DDX60L: variants seen among roughly 807,000 people sequenced by gnomAD.
DDX60L encodes DExD/H-box 60 like.
Under a neutral mutation model 211.6 loss-of-function variants are expected in DDX60L, and 191 were observed. The observed-to-expected ratio is 0.90, with a 90% CI of 0.80 to 1.02. The LOEUF (loss-of-function observed/expected upper bound fraction) is 1.02, where lower values mean the gene tolerates loss of function less well. Ranked by LOEUF, DDX60L falls within the 50% of genes least tolerant of loss-of-function variation. DDX60L has a pLI of 0.00. For synonymous variants in DDX60L, 706 were observed against 694.1 expected, an observed-to-expected ratio of 1.02 and a Z score of -0.27; for missense variants, 2,007 against 1,984.1, an observed-to-expected ratio of 1.01 and a Z score of -0.22.
chr4:168,432,226 AAT>A (rs141551810), intron 12 of DDX60L, among the ~76,000 whole-genome samples: 24 of 146,880 alleles, frequency 1.6e-4, no homozygotes, highest in Admixed American at 1.4e-4. Context: ...CTCTTCAATT[AAT>A]ATATATATAT....
chr4:168,386,439 A>C (rs1743880343), intron 29 of DDX60L, among the ~76,000 whole-genome samples: 2 of 152,188 alleles, frequency 1.3e-5, no homozygotes, highest in South Asian at 4.1e-4. Flanking sequence ...AAGAAGTAAC[A>C]GCCATTTATT....
Position 168,415,540 on chromosome 4 carries a change from T to A in DDX60L, c.2870-23A>T, listed in dbSNP as rs779721094. The A allele has an allele frequency of 5.3e-6, 8 of 1,499,430 alleles. 2 individuals carry two copies. In the South Asian group the frequency reaches 8.5e-5, roughly 16 times the overall value. The allele number at this position is 1,499,430 out of a possible 1,614,324, so 92.9% of individuals were successfully genotyped here. A position where few individuals can be genotyped will look rare whatever the true frequency, so the allele number is the denominator to read the frequency against. ...GCACTAGATACGAAGAGCAAGAATATCCAAATTAATGGACATACGATTATT... is the reference window on the plus strand; with the variant it reads ...GCACTAGATACGAAGAGCAAGAATAACCAAATTAATGGACATACGATTATT... On this transcript the variant is annotated intron_variant, in intron 21 of 37. Coordinates refer to ENST00000682922, the MANE Select transcript of DDX60L (RefSeq NM_001012967.3).
rs11943647 is a variant in DDX60L at position 168,477,189 on chromosome 4, A to G, written c.-111+3188T>C. ...CCAGCACTTTGGGAGGCCAAGGCGGACGGATCACAAGGTCAGGAGATCGAG... is the reference window on the plus strand; with the variant it reads ...CCAGCACTTTGGGAGGCCAAGGCGGGCGGATCACAAGGTCAGGAGATCGAG... On this transcript the variant is annotated intron_variant, in intron 1 of 37. Transcript: ENST00000682922. Among the ~76,000 whole-genome samples, 1,473 of 152,154 alleles carry G rather than the reference A, an allele frequency of 9.7e-3. 25 individuals carry two copies. Among genetic ancestry groups the G allele is most frequent in the African/African-American group, 0.033 (1,375 of 41,508 alleles).
At chr4:168,394,802 C>G (rs1329602164) in intron 27 of DDX60L, among the ~76,000 whole-genome samples, 185 bp from the exon 28 acceptor site, 1 of 152,200 alleles carries the variant, frequency 6.6e-6, no homozygotes, top group East Asian at 1.9e-4. Flanking sequence ...TGTGAACAGA[C>G]TCTCTCAGAA....
At chr4:168,470,818 C>CA in intron 4 of DDX60L, 1 of 245,170 alleles carries the variant, frequency 4.1e-6, no homozygotes, top group South Asian at 4.0e-5. Context: ...TCAGCCTGTG[C>CA]AAAAAGAGCG....
intron 1 of DDX60L, among the ~76,000 whole-genome samples, chr4:168,476,542 T>C (rs1759513970): frequency 6.6e-6 from 1 of 151,482 alleles, no homozygotes; most frequent in Non-Finnish European, 1.5e-5. Context: ...AGACAAAGAG[T>C]CAGAGATGAA....
chr4:168,447,782 A>C (rs989793911), intron 9 of DDX60L, among the ~76,000 whole-genome samples: 24 of 151,346 alleles, frequency 1.6e-4, no homozygotes, highest in African/African-American at 5.8e-4. Flanking sequence ...CAAGATCAAA[A>C]AAACCAAACA....
chr4:168,412,246 C>T lies in DDX60L; in HGVS notation c.2979+3162G>A, dbSNP rs143000426. Among the ~76,000 whole-genome samples, 861 of 151,980 alleles carry T rather than the reference C, an allele frequency of 5.7e-3. 4 individuals carry two copies. Among genetic ancestry groups the T allele is most frequent in the Non-Finnish European group, 9.7e-3 (657 of 67,978 alleles). ...GGGACTTTGTCTTGCAGCTCAGATG[C>T]CAACTCAGGCACAGTGGAGTAGAGC... On this transcript the variant is annotated intron_variant, in intron 22 of 37. Coordinates refer to ENST00000682922, the MANE Select transcript of DDX60L (RefSeq NM_001012967.3).
Position 168,419,350 on chromosome 4 carries a change from A to T in DDX60L, c.2562T>A (p.Pro854=). The T allele has an allele frequency of 6.3e-7, 1 of 1,599,218 alleles. No individual in the cohort carries two copies. Among genetic ancestry groups the T allele is most frequent in the Non-Finnish European group, 8.5e-7 (1 of 1,171,826 alleles). ...PECFEILLLA[P]HRQKWVERIR... ...TCCTTTCCACCCATTTTTGGCGATG[A>T]GGAGCAAGCAACAGGATTTCAAAAC... The change falls in exon 19 of 38, where the codon CCT becomes CCA. Residue 854 remains proline (P), a synonymous_variant. Transcript: ENST00000682922.
chr4:168,416,831 A>G, intron 19 of DDX60L, 34 bp from the exon 20 acceptor site: 1 of 1,209,624 alleles, frequency 8.3e-7, no homozygotes, highest in Non-Finnish European at 1.2e-6. Context: ...TGAAAAGTTG[A>G]TGTCAAAATC....
At chr4:168,366,486 A>G (rs559628094) in intron 36 of DDX60L, among the ~76,000 whole-genome samples, 2 of 152,294 alleles carry the variant, frequency 1.3e-5, no homozygotes, top group African/African-American at 4.8e-5. Flanking sequence ...TAAAGAGGAC[A>G]CTAAGAAATG....
At chr4:168,452,983 C>A in intron 8 of DDX60L, 141 bp downstream of exon 8, 1 of 891,958 alleles carries the variant, frequency 1.1e-6, no homozygotes, top group Non-Finnish European at 1.6e-6. Flanking sequence ...ATTACACTAC[C>A]AAAAATAAAA....
At position 168,477,695 on chromosome 4, in the gene DDX60L, C is replaced by T. The variant is rs898738246; in HGVS notation, c.-111+2682G>A. Among the ~76,000 whole-genome samples, 6 of 152,260 alleles carry T rather than the reference C, an allele frequency of 3.9e-5. No individual in the cohort carries two copies. The East Asian group carries it at 1.2e-3, about 29-fold the overall frequency. On this transcript the variant is annotated intron_variant, in intron 1 of 37. Transcript: ENST00000682922. ...GCAGTGAGAAACTAGGCTTCTTGGG[C>T]TTAAAAGTTGGAAACCCAGGTGATG...
intron 4 of DDX60L, among the ~76,000 whole-genome samples, chr4:168,464,237 T>C (rs1378124724): frequency 6.6e-6 from 1 of 152,166 alleles, no homozygotes; most frequent in African/African-American, 2.4e-5. Flanking sequence ...GAACACATGG[T>C]ACATTCACCA....
chr4:168,370,446 T>A lies in DDX60L; in HGVS notation c.4928+1166A>T, dbSNP rs376366036. Among the ~76,000 whole-genome samples, 9 of 152,110 alleles carry A rather than the reference T, an allele frequency of 5.9e-5. 1 individual carries two copies. Among genetic ancestry groups the A allele is most frequent in the African/African-American group, 2.2e-4 (9 of 41,506 alleles). On this transcript the variant is annotated intron_variant, in intron 36 of 37. Coordinates refer to ENST00000682922, the MANE Select transcript of DDX60L (RefSeq NM_001012967.3). ...GGGGAGGGGAAGAGAAAGGAGAAGG[T>A]GGGCAGAGGTTGATCAACATGTACA...
intron 22 of DDX60L, among the ~76,000 whole-genome samples, chr4:168,407,078 T>G (rs1351608614): frequency 2.0e-5 from 3 of 152,172 alleles, no homozygotes; most frequent in Non-Finnish European, 4.4e-5. Flanking sequence ...ACAAAAAATA[T>G]ACCTTTCTTT....
chr4:168,457,235 C>A (rs1273420296), intron 6 of DDX60L, among the ~76,000 whole-genome samples: 1 of 146,238 alleles, frequency 6.8e-6, no homozygotes, highest in Non-Finnish European at 1.5e-5. Flanking sequence ...CAAAACAAAA[C>A]ACCAAAAACA....
At chr4:168,428,385 C>G (rs1170563345) in intron 13 of DDX60L, among the ~76,000 whole-genome samples, 4 of 152,064 alleles carry the variant, frequency 2.6e-5, no homozygotes, top group Non-Finnish European at 5.9e-5. Flanking sequence ...CTGATTGTAG[C>G]CTTTGCAACT....
Position 168,422,486 on chromosome 4 carries a change from C to A in DDX60L, c.2244+38G>T, listed in dbSNP as rs539769854. The A allele has an allele frequency of 6.4e-6, 10 of 1,572,756 alleles. No individual in the cohort carries two copies. The South Asian group carries it at 1.2e-4, about 19-fold the overall frequency. On this transcript the variant is annotated intron_variant, in intron 16 of 37. Coordinates refer to ENST00000682922, the MANE Select transcript of DDX60L (RefSeq NM_001012967.3). ...ACACAGTAATGAAAAGTTCTGAAGT[C>A]ACACTGATTAGAAAAGTACAATGTT... is the stretch of plus-strand genomic sequence containing the variant.
Sources: allele counts gnomAD v4.1 joint callset (sites outside exome capture counted in the v4.1 genomes callset), GRCh38; gene constraint gnomAD v4.1.1; transcripts MANE v1.5; gene names NCBI Gene and HGNC (gene_info 2026-07-23, HGNC 2026-07-21).